The following GATAD2A variants were observed in gnomAD, a reference collection of about 807,000 sequenced individuals.
GATAD2A encodes the protein transcriptional repressor p66-alpha.
GATAD2A carries 12 observed loss-of-function variants against 68.5 expected under a neutral mutation model. The observed-to-expected ratio is 0.18, with a 90% confidence interval of 0.11 to 0.28. The LOEUF is 0.28. Among genes scored for constraint, GATAD2A ranks in the 10% least tolerant of loss-of-function variants. The probability of loss-of-function intolerance (pLI) is 1.00; values close to 1 mark genes in which losing one functional copy is unlikely to be tolerated. For missense variants in GATAD2A, 755 were observed against 868.5 expected (o/e 0.87, Z 1.64); for synonymous variants, 410 against 375.3 (o/e 1.09, Z -1.07).
chr19:19,485,315 A>T (rs2059362170), intron 2 of GATAD2A, among the ~76,000 whole-genome samples: 1 of 152,204 alleles, frequency 6.6e-6, no homozygotes, highest in African/African-American at 2.4e-5. Flanking sequence ...GACGTTTTTC[A>T]GTCTGTCAGT....
chr19:19,434,551 T>TCA (rs1474482948), intron 1 of GATAD2A, among the ~76,000 whole-genome samples: 1 of 152,158 alleles, frequency 6.6e-6, no homozygotes, highest in Non-Finnish European at 1.5e-5. Context: ...AATAAAGGTT[T>TCA]CATATCAGAG....
upstream of GATAD2A, chr19:19,401,915 A>C (rs1273892520): frequency 6.6e-6 from 1 of 152,190 alleles, no homozygotes; most frequent in East Asian, 1.9e-4. Context: ...GGACAGGCTC[A>C]GGTGGTGTTT....
chr19:19,426,759 C>G lies in GATAD2A; in HGVS notation c.-7+20740C>G, dbSNP rs1411661882. 2.6e-5 allele frequency among the ~76,000 whole-genome samples: 4 copies of G among 152,312 alleles called. No homozygotes were observed. In the East Asian group the frequency reaches 7.7e-4, roughly 29 times the overall value. ...GAACTTCTGGCCGCAAGCGATCCAC[C>G]CGCCTCAACCTCCCAAAGTGCTGGG... On this transcript the variant is annotated intron_variant, in intron 1 of 11. Coordinates refer to ENST00000683918, the MANE Select transcript of GATAD2A (RefSeq NM_001384528.1).
chr19:19,505,203 A>AG lies in GATAD2A; in HGVS notation c.1775-139dup, dbSNP rs1315684189. 1.0e-5 allele frequency: 7 copies of AG among 690,774 alleles called. No homozygotes were observed. In the African/African-American group the frequency reaches 1.3e-4, roughly 13 times the overall value. The allele number at this position is 690,774 out of a possible 1,614,324, so 42.8% of individuals were successfully genotyped here. A position where few individuals can be genotyped will look rare whatever the true frequency, so the allele number is the denominator to read the frequency against. ...GGCCTGGGATTTGAAACGTTGATTG[A>AG]GGAGTAGTGTGGGTGGGTTTGCAAG... On this transcript the variant is annotated intron_variant, in intron 11 of 11. Coordinates refer to ENST00000683918, the MANE Select transcript of GATAD2A (RefSeq NM_001384528.1).
rs775585903 is a variant in GATAD2A at position 19,502,023 on chromosome 19, A to T, written c.1558A>T (p.Ser520Cys). The change falls in exon 10 of 12, where the codon AGT (serine) becomes TGT (cysteine). Residue 520 changes from serine (S) to cysteine (C), a missense_variant. Transcript: ENST00000683918. ...AFRSGEARDWSNGAVLQASSQ... is the reference protein window; with the variant it reads ...AFRSGEARDWCNGAVLQASSQ... ...CCGCTCAGGAGAGGCCCGCGACTGG[A>T]GTAACGGGGCTGTGCTACAGGTCAG... 1 of 1,613,740 alleles carries T rather than the reference A, an allele frequency of 6.2e-7. No individual in the cohort carries two copies. The highest frequency in any genetic ancestry group is 1.7e-5 in the Admixed American group (1 of 60,026).
intron 1 of GATAD2A, among the ~76,000 whole-genome samples, chr19:19,464,051 G>T (rs1198065531): frequency 6.6e-6 from 1 of 152,206 alleles, no homozygotes; most frequent in African/African-American, 2.4e-5. Flanking sequence ...GCCTTGTGCT[G>T]CCCCCAGCTT....
chr19:19,485,761 G>A (rs867435766), intron 2 of GATAD2A, among the ~76,000 whole-genome samples: 2 of 152,200 alleles, frequency 1.3e-5, no homozygotes, highest in Admixed American at 6.5e-5. Context: ...GAGATGGGCC[G>A]GGGGCCTTGC....
rs746953800 is a variant in GATAD2A, at chr19:19,492,266, T to A, written c.270-40T>A. 5.7e-6 allele frequency: 9 copies of A among 1,576,382 alleles called. No homozygotes were observed. The East Asian group carries it at 2.1e-4, about 37-fold the overall frequency. On this transcript the variant is annotated intron_variant, in intron 2 of 11. Coordinates refer to ENST00000683918, the MANE Select transcript of GATAD2A (RefSeq NM_001384528.1). The stretch of plus-strand genomic sequence containing the variant: ...CACAGGGGTGGGCACTGGGTCCAGC[T>A]GTCAAGGGCGCTCTGGTCACTACTG...
chr19:19,435,449 T>C (rs144146369), intron 1 of GATAD2A, among the ~76,000 whole-genome samples: 59 of 152,330 alleles, frequency 3.9e-4, no homozygotes, highest in Middle Eastern at 3.4e-3. Flanking sequence ...TGTCTCAAAC[T>C]GCTAGGCTCA....
intron 1 of GATAD2A, among the ~76,000 whole-genome samples, chr19:19,444,410 A>T (rs2055456968): frequency 6.6e-6 from 1 of 151,082 alleles, no homozygotes; most frequent in Non-Finnish European, 1.5e-5. Context: ...TGTGCCCCCC[A>T]CTCCAGTGTT....
rs140169907 is a variant in GATAD2A at position 19,445,123 on chromosome 19, C to T, written c.-6-20217C>T. On this transcript the variant is annotated intron_variant, in intron 1 of 11. Transcript: ENST00000683918. Reference sequence around the variant, plus strand: ...AGATGGTTCTGAGTTCCCATGTGTACAGTGGGCTTGCTGCAGCCTCCTGCA... The same window carrying T: ...AGATGGTTCTGAGTTCCCATGTGTATAGTGGGCTTGCTGCAGCCTCCTGCA... 5.4e-3 allele frequency among the ~76,000 whole-genome samples: 817 copies of T among 152,248 alleles called. 1 individual carries two copies. Among genetic ancestry groups the T allele is most frequent in the Non-Finnish European group, 8.6e-3 (585 of 68,036 alleles).
chr19:19,435,281 G>C, intron 1 of GATAD2A: 1 of 358,962 alleles, frequency 2.8e-6, no homozygotes, highest in South Asian at 2.2e-5. Context: ...GAGTGCAGTG[G>C]TGTGGGATCT....
chr19:19,490,404 C>G (rs1404438370), intron 2 of GATAD2A, among the ~76,000 whole-genome samples: 2 of 152,144 alleles, frequency 1.3e-5, no homozygotes, highest in Admixed American at 1.3e-4. Flanking sequence ...GTCCCGAGGG[C>G]TGCTAGAGCA....
At chr19:19,476,713 A>G (rs1023943855) in intron 2 of GATAD2A, among the ~76,000 whole-genome samples, 3 of 152,226 alleles carry the variant, frequency 2.0e-5, no homozygotes, top group African/African-American at 7.2e-5. Context: ...CTCTGTGTGC[A>G]GAACAGGTAG....
At chr19:19,503,614 G>T (rs563258243) in intron 11 of GATAD2A, among the ~76,000 whole-genome samples, 25 of 151,878 alleles carry the variant, frequency 1.6e-4, no homozygotes, top group African/African-American at 5.3e-4. Flanking sequence ...GTGTGTGCAT[G>T]TGGGCACGGT....
intron 1 of GATAD2A, chr19:19,436,104 T>C (rs1410832152): frequency 8.1e-7 from 1 of 1,227,632 alleles, no homozygotes; most frequent in Non-Finnish European, 1.1e-6. Flanking sequence ...GGAAACACAG[T>C]GTTTCTTTCT....
chr19:19,395,121 C>T (rs564581345), intron 1 of GATAD2A, among the ~76,000 whole-genome samples: 1 of 152,302 alleles, frequency 6.6e-6, no homozygotes, highest in Admixed American at 6.5e-5. Context: ...TGTTCTCCCT[C>T]CTTACAGGCT....
intron 6 of GATAD2A, 36 bp from the exon 7 acceptor site, chr19:19,496,016 G>T (rs544317136): frequency 6.2e-7 from 1 of 1,606,458 alleles, no homozygotes; most frequent in South Asian, 1.1e-5. Flanking sequence ...GTTGATCTCA[G>T]TCAGATTTCT....
At chr19:19,435,573 G>GGC (rs1467542291) in intron 1 of GATAD2A, among the ~76,000 whole-genome samples, 7 of 152,178 alleles carry the variant, frequency 4.6e-5, no homozygotes, top group Admixed American at 4.6e-4. Flanking sequence ...CCCTGGGCTG[G>GGC]GCACGGTGGC....
Sources: gnomAD v4.1 joint callset for allele counts (sites outside exome capture counted in the v4.1 genomes callset) on GRCh38, gnomAD v4.1.1 for gene constraint, MANE v1.5 for transcripts, NCBI Gene and HGNC (gene_info 2026-07-23, HGNC 2026-07-21) for gene names.